Variants in IMPA2 observed in about 807,000 individuals in gnomAD.
IMPA2 encodes the protein IMP 2.
IMPA2 carries 32 observed loss-of-function variants against 35.1 expected under a neutral mutation model. The ratio of observed to expected loss-of-function variants is 0.91; its 90% CI spans 0.69 to 1.23. The LOEUF (loss-of-function observed/expected upper bound fraction) is 1.23, where lower values mean the gene tolerates loss of function less well. Ranked by LOEUF, IMPA2 falls within the 50% of genes most tolerant of loss-of-function variation. The probability of loss-of-function intolerance (pLI) is 0.00; values close to 1 mark genes in which losing one functional copy is unlikely to be tolerated. For synonymous variants in IMPA2, 135 were observed against 160.6 expected, an observed-to-expected ratio of 0.84 and a Z score of 1.20; for missense variants, 334 against 387.6, an observed-to-expected ratio of 0.86 and a Z score of 1.16.
At position 12,030,453 on chromosome 18, in the gene IMPA2, A is replaced by G. The variant is rs1466037994; in HGVS notation, c.862A>G (p.Lys288Glu). 1 of 1,613,586 alleles carries G rather than the reference A, an allele frequency of 6.2e-7. No homozygotes were observed. Among genetic ancestry groups the G allele is most frequent in the South Asian group, 1.1e-5 (1 of 91,058 alleles). ...QTINYGRDDE[K>E] ...GATTAACTATGGGCGGGATGATGAG[A>G]AGTGACTGCGGCTGAGGCAAAGCTG... The change falls in exon 8 of 8, where the codon AAG becomes GAG. Residue 288 changes from lysine (K) to glutamate (E), a missense_variant. Physicochemically the swap from Lys to Glu is moderately conservative, Grantham distance 56. Coordinates refer to ENST00000269159, the MANE Select transcript of IMPA2 (RefSeq NM_014214.3).
intron 2 of IMPA2, among the ~76,000 whole-genome samples, chr18:12,006,982 T>TA (rs1412177605): frequency 6.6e-6 from 1 of 152,066 alleles, no homozygotes; most frequent in African/African-American, 2.4e-5. Context: ...ATAAAAAAAA[T>TA]TAGCCAGGCG....
chr18:11,981,866 GC>G, intron 1 of IMPA2, 101 bp downstream of exon 1: 1 of 806,864 alleles, frequency 1.2e-6, no homozygotes, highest in Non-Finnish European at 1.7e-6. Flanking sequence ...GCCGGCGGGC[GC>G]CCAGGGTCCG....
At chr18:12,008,835 A>G (rs1407498891) in intron 2 of IMPA2, among the ~76,000 whole-genome samples, 1 of 152,182 alleles carries the variant, frequency 6.6e-6, no homozygotes, top group Non-Finnish European at 1.5e-5. Context: ...CTAGCAGGAC[A>G]GACGCACACT....
intron 1 of IMPA2, among the ~76,000 whole-genome samples, chr18:11,996,953 C>T (rs1322734611): frequency 1.3e-5 from 2 of 151,834 alleles, no homozygotes; most frequent in African/African-American, 4.8e-5. Flanking sequence ...CACACACACC[C>T]AGAGATAGAC....
At position 12,009,898 on chromosome 18, in the gene IMPA2, G is replaced by A. The variant is rs776525718; in HGVS notation, c.246G>A (p.Glu82=). The change falls in exon 3 of 8, where the codon GAG becomes GAA. Residue 82 remains glutamate, a synonymous_variant. Coordinates refer to ENST00000269159, the MANE Select transcript of IMPA2 (RefSeq NM_014214.3). ...TCCACTGCAGGTTCATTGCAGAAGA[G>A]GCCGCGGCTTCTGGGGCCAAGTGTG... ...RFPSHRFIAE[E]AAASGAKCVL... 1.9e-6 allele frequency: 3 copies of A among 1,614,122 alleles called. No homozygotes were observed. Among genetic ancestry groups the A allele is most frequent in the East Asian group, 2.2e-5 (1 of 44,882 alleles).
rs111968618 is a variant in IMPA2 at position 12,013,112 on chromosome 18, T to C, written c.381+897T>C. Among the ~76,000 whole-genome samples, 376 of 152,344 alleles carry C rather than the reference T, an allele frequency of 2.5e-3. 3 individuals carry two copies. Among genetic ancestry groups the C allele is most frequent in the African/African-American group, 8.5e-3 (353 of 41,576 alleles). On this transcript the variant is annotated intron_variant, in intron 4 of 7. Coordinates refer to ENST00000269159, the MANE Select transcript of IMPA2 (RefSeq NM_014214.3). ...GGTTGATTGATGTTCTGTGACTGTG[T>C]GAAGGGGCTGCTGGAACAGCTGGCT...
rs62099889 is a variant in IMPA2 at position 11,991,314 on chromosome 18, G to A, written c.97-7740G>A. 1.8e-3 allele frequency among the ~76,000 whole-genome samples: 271 copies of A among 152,250 alleles called. No individual in the cohort carries two copies. The highest frequency in any genetic ancestry group is 3.4e-3 in the Non-Finnish European group (231 of 68,016). ...TCAAGGTGAGGGGAAAAATAGCCAC[G>A]AGACTAAAGGAGGCGTTGAGGATTC... On this transcript the variant is annotated intron_variant, in intron 1 of 7. Transcript: ENST00000269159. The surrounding 1 kb of genome is among the most constrained non-coding windows in gnomAD (Gnocchi z 4.1).
In IMPA2 at chr18:11,981,704, C is replaced by T; in HGVS notation, c.35C>T (p.Ala12Val). ...KPSGEDQAAL[A>V]AGPWEECFQA... The stretch of plus-strand genomic sequence containing the variant: ...AGCGGCGAGGACCAGGCGGCGCTGG[C>T]GGCCGGCCCCTGGGAGGAGTGCTTC... Residue 12 changes from alanine to valine, a missense_variant, in exon 1 of 8, where the codon GCG (alanine) becomes GTG (valine). Ala to Val is a moderately conservative substitution (Grantham distance 64). Transcript: ENST00000269159. The T allele has an allele frequency of 8.1e-7, 1 of 1,230,602 alleles. No homozygotes were observed. The highest frequency in any genetic ancestry group is 4.0e-5 in the South Asian group (1 of 25,090). The allele number at this position is 1,230,602 out of a possible 1,614,324, so 76.2% of individuals were successfully genotyped here.
intron 2 of IMPA2, among the ~76,000 whole-genome samples, chr18:12,001,489 G>T (rs1456077754): frequency 6.6e-6 from 1 of 152,114 alleles, no homozygotes; most frequent in Non-Finnish European, 1.5e-5. Flanking sequence ...GCTGTGATGT[G>T]TTTCAGTCAG....
chr18:12,010,043 G>A lies in IMPA2; in HGVS notation c.335+56G>A, dbSNP rs2143804467. ...GGGCTTAACATGTCCTCTTCTGTGAGGTTTTGTCTTTTCAAAAGCAGCATT... is the reference window on the plus strand; with the variant it reads ...GGGCTTAACATGTCCTCTTCTGTGAAGTTTTGTCTTTTCAAAAGCAGCATT... On this transcript the variant is annotated intron_variant, in intron 3 of 7. Coordinates refer to ENST00000269159, the MANE Select transcript of IMPA2 (RefSeq NM_014214.3). This position sits in a 1 kb window ranked among gnomAD's most constrained non-coding sequence, Gnocchi z 4.8. 3 of 1,371,180 alleles carry A rather than the reference G, an allele frequency of 2.2e-6. No homozygotes were observed. The highest frequency in any genetic ancestry group is 4.6e-5 in the East Asian group (2 of 43,446). 84.9% of individuals were successfully genotyped at this position (1,371,180 alleles called of 1,614,324 possible).
At chr18:12,012,099 G>T in intron 3 of IMPA2, 71 bp from the exon 4 acceptor site, 3 of 1,454,274 alleles carry the variant, frequency 2.1e-6, no homozygotes, top group Non-Finnish European at 2.9e-6. Flanking sequence ...GCGGGGAGCC[G>T]CACAGCACAC....
intron 1 of IMPA2, among the ~76,000 whole-genome samples, chr18:11,992,082 G>T (rs620858): frequency 0.029 from 4,438 of 152,328 alleles, 227 homozygotes; most frequent in African/African-American, 0.1. Flanking sequence ...GACTTCAGGT[G>T]ATCTGCCTGC....
At chr18:11,996,840 A>G (rs1906970836) in intron 1 of IMPA2, among the ~76,000 whole-genome samples, 1 of 151,420 alleles carries the variant, frequency 6.6e-6, no homozygotes. Context: ...ACTCCCCACA[A>G]CCCCACACCA....
rs554216632 is a variant in IMPA2 at position 12,015,661 on chromosome 18, C to T, written c.490+1288C>T. On this transcript the variant is annotated intron_variant, in intron 5 of 7. Transcript: ENST00000269159. ...CAGTTGGACTCACCAGTTAGAGCTTCTGATCCCAGAGAGGCCTTGGAATGG... is the reference window on the plus strand; with the variant it reads ...CAGTTGGACTCACCAGTTAGAGCTTTTGATCCCAGAGAGGCCTTGGAATGG... Among the ~76,000 whole-genome samples, 12 of 152,364 alleles carry T rather than the reference C, an allele frequency of 7.9e-5. No individual in the cohort carries two copies. The East Asian group carries it at 2.3e-3, about 29-fold the overall frequency.
intron 4 of IMPA2, among the ~76,000 whole-genome samples, chr18:12,013,008 G>A (rs1287616808): frequency 6.6e-6 from 1 of 152,202 alleles, no homozygotes. Flanking sequence ...TTTGTCTAAG[G>A]ATGCAATGAT....
At chr18:12,003,670 G>A (rs148814465) in intron 2 of IMPA2, among the ~76,000 whole-genome samples, 7 of 80,752 alleles carry the variant, frequency 8.7e-5, no homozygotes, top group African/African-American at 2.1e-4. Context: ...AAAAAGAAAA[G>A]GAAAAAAAAA....
At chr18:12,006,128 G>A (rs559147412) in intron 2 of IMPA2, among the ~76,000 whole-genome samples, 2 of 152,348 alleles carry the variant, frequency 1.3e-5, no homozygotes, top group South Asian at 4.1e-4. Flanking sequence ...CAGATTTAGT[G>A]CCTGAAGTTT....
intron 1 of IMPA2, among the ~76,000 whole-genome samples, chr18:11,982,589 G>A (rs904569021): frequency 1.3e-5 from 2 of 152,182 alleles, no homozygotes; most frequent in East Asian, 1.9e-4. Context: ...GAGGTCAGGA[G>A]TTCGAGACCA....
rs1907415077 is a variant in IMPA2, at chr18:12,010,881, G to T, written c.335+894G>T. ...CCTTTTTCTAGGTGAGTTGCCTCGAGAATTCAGTTGTGCCTACATAAGGTG... is the reference window on the plus strand; with the variant it reads ...CCTTTTTCTAGGTGAGTTGCCTCGATAATTCAGTTGTGCCTACATAAGGTG... On this transcript the variant is annotated intron_variant, in intron 3 of 7. Coordinates refer to ENST00000269159, the MANE Select transcript of IMPA2 (RefSeq NM_014214.3). This position sits in a 1 kb window ranked among gnomAD's most constrained non-coding sequence, Gnocchi z 4.8. Among the ~76,000 whole-genome samples, 1 of 152,210 alleles carries T rather than the reference G, an allele frequency of 6.6e-6. No individual in the cohort carries two copies. The highest frequency in any genetic ancestry group is 2.4e-5 in the African/African-American group (1 of 41,454).
Sources: gnomAD v4.1 joint callset for allele counts (sites outside exome capture counted in the v4.1 genomes callset) on GRCh38, gnomAD v4.1.1 for gene constraint, Gnocchi (gnomAD v3.1) non-coding constraint, MANE v1.5 for transcripts, NCBI Gene and HGNC (gene_info 2026-07-23, HGNC 2026-07-21) for gene names.